MACROD2: variants seen among roughly 807,000 people sequenced by gnomAD.
The protein encoded by MACROD2 is mono-ADP ribosylhydrolase 2.
Under a neutral mutation model 70.4 loss-of-function variants are expected in MACROD2, and 36 were observed. The observed-to-expected ratio is 0.51, with a 90% CI of 0.39 to 0.68. MACROD2 has a LOEUF of 0.68. Ranked by LOEUF, MACROD2 falls within the 30% of genes least tolerant of loss-of-function variation. The pLI, the probability that MACROD2 is intolerant of heterozygous loss-of-function variation, is 0.00. For missense variants in MACROD2, 496 were observed against 538.4 expected (o/e 0.92, Z 0.78); for synonymous variants, 172 against 178.8 (o/e 0.96, Z 0.30).
intron 5 of MACROD2, among the ~76,000 whole-genome samples, chr20:14,992,643 A>G (rs1250156765): frequency 6.6e-6 from 1 of 150,936 alleles, no homozygotes; most frequent in Non-Finnish European, 1.5e-5. Context: ...TGTTATGGAA[A>G]AGACTTTTAA....
At chr20:14,503,631 C>A (rs1263523036) in intron 4 of MACROD2, among the ~76,000 whole-genome samples, 1 of 152,182 alleles carries the variant, frequency 6.6e-6, no homozygotes, top group Non-Finnish European at 1.5e-5. Context: ...AGCTAAAATA[C>A]TCTCTCAGCT....
At chr20:14,380,225 G>C (rs1454550430) in intron 3 of MACROD2, among the ~76,000 whole-genome samples, 1 of 152,020 alleles carries the variant, frequency 6.6e-6, no homozygotes, top group Non-Finnish European at 1.5e-5. Context: ...CATTTCATGT[G>C]CTTATTTGCT....
intron 5 of MACROD2, among the ~76,000 whole-genome samples, chr20:14,819,521 A>C (rs2072815640): frequency 6.6e-6 from 1 of 152,058 alleles, no homozygotes. Context: ...CAGAGAAACA[A>C]AACCTTCCCC....
At chr20:14,760,421 G>C (rs204099) in intron 5 of MACROD2, among the ~76,000 whole-genome samples, 151,705 of 152,216 alleles carry the variant, frequency 1, 75,600 homozygotes, top group East Asian at 1. Context: ...AGGTACATAG[G>C]AAAGTATTAA....
At chr20:14,270,981 C>G (rs1018614599) in intron 3 of MACROD2, among the ~76,000 whole-genome samples, 2 of 152,212 alleles carry the variant, frequency 1.3e-5, no homozygotes, top group African/African-American at 4.8e-5. Flanking sequence ...GTAAACAAAG[C>G]AGCCAGGAAG....
At chr20:14,924,377 T>G (rs2074202718) in intron 5 of MACROD2, among the ~76,000 whole-genome samples, 1 of 151,874 alleles carries the variant, frequency 6.6e-6, no homozygotes, top group Non-Finnish European at 1.5e-5. Context: ...AGGTGGAGGT[T>G]GCTGTGAGCC....
chr20:16,044,546 A>AT (rs1289154293), intron 16 of MACROD2, 25 bp from the exon 17 acceptor site: 120 of 1,425,356 alleles, frequency 8.4e-5, no homozygotes, highest in Non-Finnish European at 1.1e-4. Context: ...TGAATATTTA[A>AT]CTTTTTTTTT....
At chr20:14,402,268 T>G (rs1319743028) in intron 3 of MACROD2, among the ~76,000 whole-genome samples, 1 of 152,212 alleles carries the variant, frequency 6.6e-6, no homozygotes, top group African/African-American at 2.4e-5. Flanking sequence ...GGTTGTAGTT[T>G]ATGCAATTTT....
intron 9 of MACROD2, among the ~76,000 whole-genome samples, chr20:15,877,456 C>CT (rs34554416): frequency 3.3e-5 from 5 of 151,660 alleles, no homozygotes; most frequent in Admixed American, 6.6e-5. Context: ...AAAAAGTTCC[C>CT]TTTTTTTTAA....
chr20:15,432,146 GAACTTA>G (rs2046371456), intron 7 of MACROD2, among the ~76,000 whole-genome samples: 1 of 151,820 alleles, frequency 6.6e-6, no homozygotes, highest in African/African-American at 2.4e-5. Flanking sequence ...CATTCTTTCT[GAACTTA>G]AACTTCTCAC....
chr20:15,758,646 C>T (rs2051386454), intron 8 of MACROD2, among the ~76,000 whole-genome samples: 1 of 151,134 alleles, frequency 6.6e-6, no homozygotes, highest in Non-Finnish European at 1.5e-5. Flanking sequence ...CTCAAGCGAT[C>T]CTTCTTCCTC....
intron 5 of MACROD2, among the ~76,000 whole-genome samples, chr20:14,782,729 G>C (rs573070761): frequency 6.6e-6 from 1 of 152,214 alleles, no homozygotes; most frequent in African/African-American, 2.4e-5. Context: ...CCTCTGCCCA[G>C]TCCTGCTTCC....
chr20:15,885,977 G>A (rs2064817309), intron 10 of MACROD2, among the ~76,000 whole-genome samples, 166 bp downstream of exon 10: 1 of 152,098 alleles, frequency 6.6e-6, no homozygotes, highest in African/African-American at 2.4e-5. Flanking sequence ...TAAGGCTATT[G>A]CAGTTGCTGT....
intron 15 of MACROD2, among the ~76,000 whole-genome samples, chr20:16,028,963 C>A (rs548610412): frequency 6.6e-6 from 1 of 152,148 alleles, no homozygotes; most frequent in Non-Finnish European, 1.5e-5. Flanking sequence ...TAGGCTGGGG[C>A]GCTTAAACAA....
intron 4 of MACROD2, among the ~76,000 whole-genome samples, chr20:14,517,331 A>C (rs1404195568): frequency 6.6e-6 from 1 of 152,208 alleles, no homozygotes; most frequent in Non-Finnish European, 1.5e-5. Context: ...AATGTGGCAC[A>C]TATACACCAT....
chr20:14,757,847 AG>A, intron 5 of MACROD2: 1 of 1,519,968 alleles, frequency 6.6e-7, no homozygotes, highest in Non-Finnish European at 9.1e-7. Context: ...TCTATGCCGT[AG>A]CCGTCCAGGG....
At chr20:15,634,871 G>T (rs911847645) in intron 8 of MACROD2, among the ~76,000 whole-genome samples, 3 of 152,210 alleles carry the variant, frequency 2.0e-5, no homozygotes, top group African/African-American at 7.2e-5. Context: ...AATGAGATTT[G>T]AATAAAGTTA....
chr20:14,974,110 G>A (rs78168875), intron 5 of MACROD2, among the ~76,000 whole-genome samples: 7,040 of 152,260 alleles, frequency 0.046, 557 homozygotes, highest in African/African-American at 0.16. Context: ...ATAGCCAGTT[G>A]GAAAGGGTCA....
chr20:14,460,489 T>G lies in MACROD2; in HGVS notation c.272-32990T>G, dbSNP rs552561388. On this transcript the variant is annotated intron_variant, in intron 3 of 17. Transcript: ENST00000684519. ...CTCTAATGAGCAGTGATGATGAGCTTTTTTTCATATGTTTGTTGGCCGCAT... is the reference window on the plus strand; with the variant it reads ...CTCTAATGAGCAGTGATGATGAGCTGTTTTTCATATGTTTGTTGGCCGCAT... 1.7e-3 allele frequency among the ~76,000 whole-genome samples: 257 copies of G among 152,252 alleles called. 3 individuals carry two copies. Among genetic ancestry groups the G allele is most frequent in the African/African-American group, 6.1e-3 (254 of 41,508 alleles).
Sources: gnomAD v4.1 joint callset for allele counts (sites outside exome capture counted in the v4.1 genomes callset) on GRCh38, gnomAD v4.1.1 for gene constraint, MANE v1.5 for transcripts, NCBI Gene and HGNC (gene_info 2026-07-23, HGNC 2026-07-21) for gene names.